Variants in NTM observed in about 807,000 individuals in gnomAD.
The protein encoded by NTM is IgLON family member 2.
In NTM, 13 loss-of-function variants were observed where a neutral mutation model predicts 42.1. The observed-to-expected ratio is 0.31, with a 90% CI of 0.20 to 0.49. The LOEUF (loss-of-function observed/expected upper bound fraction) is 0.49, where lower values mean the gene tolerates loss of function less well. Ranked by LOEUF, NTM falls within the 20% of genes least tolerant of loss-of-function variation. NTM has a pLI of 0.99. For synonymous variants in NTM, 187 were observed against 179.2 expected, an observed-to-expected ratio of 1.04 and a Z score of -0.35; for missense variants, 373 against 452.8, an observed-to-expected ratio of 0.82 and a Z score of 1.60.
At chr11:131,429,085 A>C (rs1361166915) in intron 1 of NTM, among the ~76,000 whole-genome samples, 1 of 152,040 alleles carries the variant, frequency 6.6e-6, no homozygotes, top group Non-Finnish European at 1.5e-5. Flanking sequence ...GCTCCAGACT[A>C]GGTGAGTCAT....
At chr11:131,971,144 C>CT (rs1283727041) in intron 2 of NTM, among the ~76,000 whole-genome samples, 3 of 152,304 alleles carry the variant, frequency 2.0e-5, no homozygotes, top group Admixed American at 6.5e-5. Flanking sequence ...TGCCATATTG[C>CT]TTTTCAATAT....
intron 1 of NTM, among the ~76,000 whole-genome samples, chr11:131,468,486 C>T (rs1952104401): frequency 6.6e-6 from 1 of 152,118 alleles, no homozygotes; most frequent in South Asian, 2.1e-4. Flanking sequence ...AGAAAGTCAG[C>T]TTATGCATTT....
At chr11:132,190,738 A>T (rs1451795317) in intron 3 of NTM, among the ~76,000 whole-genome samples, 2 of 129,520 alleles carry the variant, frequency 1.5e-5, no homozygotes, top group African/African-American at 8.1e-5. Context: ...ATCCATCTTA[A>T]AAAAAAAAAA....
intron 1 of NTM, among the ~76,000 whole-genome samples, chr11:131,473,982 C>T (rs1952681724): frequency 6.6e-6 from 1 of 152,150 alleles, no homozygotes; most frequent in Admixed American, 6.6e-5. Flanking sequence ...CTTCTTCTGA[C>T]AATGGTCTTA....
At chr11:131,839,586 G>A (rs2043964968) in intron 1 of NTM, among the ~76,000 whole-genome samples, 1 of 152,090 alleles carries the variant, frequency 6.6e-6, no homozygotes, top group South Asian at 2.1e-4. Context: ...CAAGATAACA[G>A]GACACCAGAA....
chr11:132,078,875 G>C (rs79667846), intron 2 of NTM, among the ~76,000 whole-genome samples: 2,382 of 152,224 alleles, frequency 0.016, 68 homozygotes, highest in African/African-American at 0.054. Flanking sequence ...TTTTGAATCA[G>C]CAAATGGAAT....
intron 1 of NTM, among the ~76,000 whole-genome samples, chr11:131,375,309 T>C (rs1285696705): frequency 6.6e-6 from 1 of 152,226 alleles, no homozygotes; most frequent in Non-Finnish European, 1.5e-5. Context: ...ATGCTGAGAT[T>C]ATATTTATGC....
intron 1 of NTM, among the ~76,000 whole-genome samples, chr11:131,595,566 T>A (rs948402741): frequency 2.6e-5 from 4 of 152,214 alleles, no homozygotes; most frequent in Non-Finnish European, 5.9e-5. Flanking sequence ...AAAACACACA[T>A]AAATAAATGA....
intron 1 of NTM, among the ~76,000 whole-genome samples, chr11:131,873,622 T>TAC (rs1290339295): frequency 8.3e-5 from 6 of 72,654 alleles, no homozygotes; most frequent in African/African-American, 4.9e-4. Context: ...CGTATATATA[T>TAC]ACATATATAT....
chr11:131,710,216 T>C (rs942567608), intron 1 of NTM, among the ~76,000 whole-genome samples: 5 of 152,226 alleles, frequency 3.3e-5, no homozygotes, highest in African/African-American at 1.2e-4. Flanking sequence ...ATGGCCTCTA[T>C]CTTCTGCTTT....
At chr11:131,508,023 A>G (rs981533311) in intron 1 of NTM, among the ~76,000 whole-genome samples, 1 of 151,824 alleles carries the variant, frequency 6.6e-6, no homozygotes, top group African/African-American at 2.4e-5. Context: ...ACAAAAGCCA[A>G]AATTGACAAA....
chr11:131,897,216 T>C (rs2052445222), intron 1 of NTM: 1 of 151,988 alleles, frequency 6.6e-6, no homozygotes, highest in African/African-American at 2.4e-5. Flanking sequence ...CACTGACTAA[T>C]GCAGAGGCAG....
intron 1 of NTM, among the ~76,000 whole-genome samples, chr11:131,532,263 A>G (rs1296718756): frequency 1.3e-5 from 2 of 152,192 alleles, no homozygotes; most frequent in Non-Finnish European, 2.9e-5. Flanking sequence ...GCTCCTGGTA[A>G]CTTTCTGTTT....
intron 1 of NTM, among the ~76,000 whole-genome samples, chr11:131,675,891 T>A (rs575272990): frequency 2.0e-5 from 3 of 152,360 alleles, no homozygotes; most frequent in African/African-American, 7.2e-5. Flanking sequence ...CCCAGACGTC[T>A]GCTTGACTTT....
At chr11:132,239,721 C>T (rs75869314) in intron 4 of NTM, among the ~76,000 whole-genome samples, 1 of 152,182 alleles carries the variant, frequency 6.6e-6, no homozygotes, top group East Asian at 1.9e-4. Context: ...TCCGGCCATA[C>T]ATATGAAGTG....
intron 1 of NTM, among the ~76,000 whole-genome samples, chr11:131,862,664 G>A (rs776158238): frequency 2.0e-5 from 3 of 152,132 alleles, no homozygotes; most frequent in Non-Finnish European, 4.4e-5. Context: ...AGTTGTAAAG[G>A]ACTTTCATGT....
chr11:131,656,347 G>T (rs2067186025), intron 1 of NTM, among the ~76,000 whole-genome samples: 1 of 152,222 alleles, frequency 6.6e-6, no homozygotes, highest in Non-Finnish European at 1.5e-5. Flanking sequence ...TGCACCTCTA[G>T]ATGACCCCAC....
At chr11:132,127,249 C>A (rs1206566334) in intron 2 of NTM, among the ~76,000 whole-genome samples, 2 of 152,194 alleles carry the variant, frequency 1.3e-5, no homozygotes, top group Non-Finnish European at 2.9e-5. Flanking sequence ...GTTAAAGCAA[C>A]CCGAACCCAA....
intron 1 of NTM, among the ~76,000 whole-genome samples, chr11:131,802,482 C>G (rs1426971976): frequency 6.6e-6 from 1 of 152,226 alleles, no homozygotes; most frequent in Non-Finnish European, 1.5e-5. Flanking sequence ...CACATGCCAC[C>G]CATCCCCATG....
Sources: allele counts gnomAD v4.1 joint callset (sites outside exome capture counted in the v4.1 genomes callset), GRCh38; gene constraint gnomAD v4.1.1; transcripts MANE v1.5; gene names NCBI Gene and HGNC (gene_info 2026-07-23, HGNC 2026-07-21).